The following HS3ST2 variants were observed in gnomAD, a reference collection of about 807,000 sequenced individuals.
The protein encoded by HS3ST2 is heparan sulfate-glucosamine 3-sulfotransferase 2.
Under a neutral mutation model 26.3 loss-of-function variants are expected in HS3ST2, and 17 were observed. The observed-to-expected ratio is 0.65, with a 90% CI of 0.44 to 0.97. The LOEUF (loss-of-function observed/expected upper bound fraction) is 0.97. HS3ST2 is among the 50% of genes least tolerant of loss of function. HS3ST2 has a pLI of 0.00. For synonymous variants in HS3ST2, 237 were observed against 219.2 expected (o/e 1.08, Z -0.72); for missense variants, 402 against 501.2 (o/e 0.80, Z 1.89).
At chr16:22,889,812 A>G (rs992693165) in intron 1 of HS3ST2, among the ~76,000 whole-genome samples, 1 of 152,178 alleles carries the variant, frequency 6.6e-6, no homozygotes, top group African/African-American at 2.4e-5. Flanking sequence ...TACACATTCA[A>G]CAGGTTTCTA....
At chr16:22,905,134 G>A (rs1012274189) in intron 1 of HS3ST2, among the ~76,000 whole-genome samples, 2 of 152,216 alleles carry the variant, frequency 1.3e-5, no homozygotes, top group African/African-American at 2.4e-5. Context: ...CCAGGCAGCC[G>A]GGTCTTCCAG....
intron 1 of HS3ST2, among the ~76,000 whole-genome samples, chr16:22,819,974 T>G (rs1596602302): frequency 6.6e-6 from 1 of 152,336 alleles, no homozygotes. Context: ...TTCAACAAAT[T>G]GATCAACACA....
intron 1 of HS3ST2, among the ~76,000 whole-genome samples, chr16:22,846,674 T>A (rs1382210049): frequency 6.6e-6 from 1 of 152,180 alleles, no homozygotes; most frequent in African/African-American, 2.4e-5. Context: ...CATGTACTGT[T>A]GATGAGAAGG....
chr16:22,834,929 G>C (rs415722), intron 1 of HS3ST2, among the ~76,000 whole-genome samples: 64,750 of 151,656 alleles, frequency 0.43, 14,699 homozygotes, highest in African/African-American at 0.59. Flanking sequence ...GAAATTTTTG[G>C]TTAATTTTTT....
intron 1 of HS3ST2, among the ~76,000 whole-genome samples, chr16:22,834,398 A>T (rs1247038294): frequency 2.0e-5 from 3 of 152,156 alleles, no homozygotes; most frequent in Non-Finnish European, 4.4e-5. Flanking sequence ...TATAACTTGC[A>T]ATTTTATTTA....
At chr16:22,829,112 T>C (rs1901132639) in intron 1 of HS3ST2, among the ~76,000 whole-genome samples, 1 of 152,226 alleles carries the variant, frequency 6.6e-6, no homozygotes, top group African/African-American at 2.4e-5. Context: ...TCCAGGTGGC[T>C]GGTGCCAAGG....
chr16:22,841,787 GT>G (rs1486239406), intron 1 of HS3ST2, among the ~76,000 whole-genome samples: 1 of 152,118 alleles, frequency 6.6e-6, no homozygotes, highest in South Asian at 2.1e-4. Context: ...GCCTGTAGTG[GT>G]TTTTTTCATA....
intron 1 of HS3ST2, among the ~76,000 whole-genome samples, chr16:22,875,412 G>A (rs892779097): frequency 1.3e-5 from 2 of 150,896 alleles, no homozygotes; most frequent in African/African-American, 2.5e-5. Flanking sequence ...ATAGAGTCTC[G>A]CTCTGTCGCC....
intron 1 of HS3ST2, among the ~76,000 whole-genome samples, chr16:22,891,223 C>A (rs1473768198): frequency 2.0e-5 from 3 of 152,188 alleles, no homozygotes; most frequent in African/African-American, 7.2e-5. Flanking sequence ...TGCTTCAGTT[C>A]TCCCTACAGC....
intron 1 of HS3ST2, among the ~76,000 whole-genome samples, chr16:22,820,073 G>A (rs555191435): frequency 2.0e-5 from 3 of 152,328 alleles, no homozygotes; most frequent in Admixed American, 6.5e-5. Flanking sequence ...CACAATTGCA[G>A]CATCTATGCA....
chr16:22,913,266 C>T (rs1036636747), intron 1 of HS3ST2, among the ~76,000 whole-genome samples: 1 of 151,618 alleles, frequency 6.6e-6, no homozygotes. Context: ...CAACTATGAC[C>T]TTCATCAAGA....
intron 1 of HS3ST2, among the ~76,000 whole-genome samples, chr16:22,866,070 A>G (rs1335542400): frequency 6.6e-6 from 1 of 152,190 alleles, no homozygotes; most frequent in Non-Finnish European, 1.5e-5. Context: ...TCCTTACATT[A>G]TGTTTAAGGC....
At chr16:22,866,999 C>A (rs962231232) in intron 1 of HS3ST2, among the ~76,000 whole-genome samples, 1 of 152,108 alleles carries the variant, frequency 6.6e-6, no homozygotes, top group Non-Finnish European at 1.5e-5. Context: ...CATCTAGAGA[C>A]TGGTGAGAAC....
chr16:22,883,487 G>C (rs370783087), intron 1 of HS3ST2, among the ~76,000 whole-genome samples: 15 of 152,200 alleles, frequency 9.9e-5, no homozygotes, highest in African/African-American at 3.6e-4. Flanking sequence ...TGCTATGTAG[G>C]GTGGGTAGGA....
intron 1 of HS3ST2, among the ~76,000 whole-genome samples, chr16:22,884,030 A>C (rs1291469984): frequency 1.3e-5 from 2 of 152,126 alleles, no homozygotes; most frequent in African/African-American, 2.4e-5. Context: ...AGGCTCTATC[A>C]TTTTTCTGCA....
chr16:22,835,232 G>A (rs999725229), intron 1 of HS3ST2, among the ~76,000 whole-genome samples: 2 of 151,834 alleles, frequency 1.3e-5, no homozygotes, highest in African/African-American at 4.8e-5. Flanking sequence ...TGGATTGGTG[G>A]AGCCTTCTTT....
chr16:22,912,247 A>T (rs750113640), intron 1 of HS3ST2, among the ~76,000 whole-genome samples: 3 of 152,238 alleles, frequency 2.0e-5, no homozygotes, highest in African/African-American at 4.8e-5. Context: ...TTTCAGAGTT[A>T]GGGAAATTGC....
intron 1 of HS3ST2, among the ~76,000 whole-genome samples, chr16:22,866,418 G>A (rs899227974): frequency 3.1e-4 from 47 of 150,816 alleles, no homozygotes; most frequent in African/African-American, 1.1e-3. Flanking sequence ...TGGGGCAGAG[G>A]AAGGGTTAAT....
intron 1 of HS3ST2, among the ~76,000 whole-genome samples, chr16:22,891,799 A>T (rs994507736): frequency 2.0e-5 from 3 of 152,174 alleles, no homozygotes; most frequent in African/African-American, 7.2e-5. Context: ...TATTCTATGC[A>T]TCTACACCTG....
Sources: allele counts gnomAD v4.1 joint callset (sites outside exome capture counted in the v4.1 genomes callset), GRCh38; gene constraint gnomAD v4.1.1; transcripts MANE v1.5; gene names NCBI Gene and HGNC (gene_info 2026-07-23, HGNC 2026-07-21).